PRSS3: variants seen among roughly 807,000 people sequenced by gnomAD.
PRSS3 encodes the protein trypsin-3.
A neutral mutation model predicts 20.8 loss-of-function variants in PRSS3; 14 were observed. That is an observed-to-expected ratio of 0.67 (90% CI 0.44 to 1.05). PRSS3 has a LOEUF of 1.05. PRSS3 is among the 50% of genes least tolerant of loss of function. The probability of loss-of-function intolerance (pLI) is 0.00; values close to 1 mark genes in which losing one functional copy is unlikely to be tolerated. For synonymous variants in PRSS3, 91 were observed against 117.6 expected (o/e 0.77, Z 1.46); for missense variants, 237 against 306.4 (o/e 0.77, Z 1.69).
chr9:33,751,338 T>C (rs987534374), intron 1 of PRSS3, among the ~76,000 whole-genome samples: 3 of 152,116 alleles, frequency 2.0e-5, no homozygotes, highest in Non-Finnish European at 4.4e-5. Context: ...AGTCCCCCGA[T>C]CCAGTGCTTA....
chr9:33,768,780 CG>C (rs915985105), intron 1 of PRSS3, among the ~76,000 whole-genome samples: 1 of 151,308 alleles, frequency 6.6e-6, no homozygotes, highest in African/African-American at 2.4e-5. Context: ...TGCTTGAGCC[CG>C]GGGGGCAGAG....
At chr9:33,774,978 C>G (rs1269560854) in intron 1 of PRSS3, among the ~76,000 whole-genome samples, 1 of 150,630 alleles carries the variant, frequency 6.6e-6, no homozygotes, top group Non-Finnish European at 1.5e-5. Flanking sequence ...AAGAGCGAAA[C>G]TCCATCTCAA....
chr9:33,787,279 C>G (rs1462333375), intron 1 of PRSS3, among the ~76,000 whole-genome samples: 7 of 152,088 alleles, frequency 4.6e-5, no homozygotes, highest in African/African-American at 2.4e-5. Flanking sequence ...TTAATGACAT[C>G]TGGTTGTTCT....
Position 33,750,909 on chromosome 9 carries a change from C to G in PRSS3, c.-53+182C>G, listed in dbSNP as rs1822661985. ...AGGGGCTCAGGGACAGGGATGGAGGCTCCTCTAGGGGAGGACGGGAGGGGA... is the reference window on the plus strand; with the variant it reads ...AGGGGCTCAGGGACAGGGATGGAGGGTCCTCTAGGGGAGGACGGGAGGGGA... On this transcript the variant is annotated intron_variant, in intron 1 of 5. Coordinates refer to the PRSS3 transcript ENST00000342836. This position sits in a 1 kb window ranked among gnomAD's most constrained non-coding sequence, Gnocchi z 4.8. 1 of 1,321,958 alleles carries G rather than the reference C, an allele frequency of 7.6e-7. No individual in the cohort carries two copies. The allele number at this position is 1,321,958 out of a possible 1,614,324, so 81.9% of individuals were successfully genotyped here.
In PRSS3 at chr9:33,797,835, C is replaced by A. The variant is rs779165116; in HGVS notation, c.207C>A (p.Ile69=). Reference sequence around the variant, plus strand: ...TGCCTGCCCTGCCCATCAGCCGCATCCAGGTGAGACTGGGAGAGCACAACA... The same window carrying A: ...TGCCTGCCCTGCCCATCAGCCGCATACAGGTGAGACTGGGAGAGCACAACA... The part of the protein sequence containing the change: ...VSAAHCYKTR[I]QVRLGEHNIK... The change falls in exon 3 of 5, where the codon ATC becomes ATA. Residue 69 remains isoleucine (I), a synonymous_variant. Coordinates refer to ENST00000379405, the MANE Select transcript of PRSS3 (RefSeq NM_002771.4). 3.7e-6 allele frequency: 6 copies of A among 1,614,122 alleles called. No individual in the cohort carries two copies. Among genetic ancestry groups the A allele is most frequent in the Non-Finnish European group, 3.4e-6 (4 of 1,180,056 alleles).
intron 1 of PRSS3, among the ~76,000 whole-genome samples, chr9:33,790,094 A>C (rs1210496615): frequency 6.6e-6 from 1 of 152,194 alleles, no homozygotes; most frequent in African/African-American, 2.4e-5. Context: ...TCCTTCCTCA[A>C]GAATAAGTAT....
chr9:33,794,074 C>T (rs930287058), upstream of PRSS3, among the ~76,000 whole-genome samples: 2 of 137,850 alleles, frequency 1.5e-5, no homozygotes, highest in African/African-American at 2.7e-5. Flanking sequence ...CCTGAAGGTA[C>T]TCTGTGTGTC....
chr9:33,797,249 C>A (rs1030860652), intron 2 of PRSS3, among the ~76,000 whole-genome samples: 3 of 151,232 alleles, frequency 2.0e-5, no homozygotes, highest in Admixed American at 6.6e-5. Flanking sequence ...AACTCTCAAA[C>A]CTGAGTATGC....
At chr9:33,789,195 G>T (rs1439936793) in intron 1 of PRSS3, among the ~76,000 whole-genome samples, 1 of 152,046 alleles carries the variant, frequency 6.6e-6, no homozygotes, top group Non-Finnish European at 1.5e-5. Context: ...CTATTTCCTT[G>T]GGCATTATTT....
intron 1 of PRSS3, among the ~76,000 whole-genome samples, chr9:33,784,267 C>A (rs1419631353): frequency 6.6e-6 from 1 of 151,912 alleles, no homozygotes; most frequent in Admixed American, 6.6e-5. Context: ...GAATAGGGAT[C>A]ATTTGTTAAT....
At chr9:33,787,047 A>T in intron 1 of PRSS3, among the ~76,000 whole-genome samples, 1 of 152,238 alleles carries the variant, frequency 6.6e-6, no homozygotes, top group East Asian at 1.9e-4. Flanking sequence ...GCAGTGTTCT[A>T]TCCACAGTCA....
At position 33,799,167 on chromosome 9, in the gene PRSS3, C is replaced by A; in HGVS notation, c.731C>A (p.Ala244Asp). ...NYVDWIKDTI[A>D]ANS ...GTGGACTGGATTAAGGACACCATCGCTGCCAACAGCTAAAGCCCCCGGTCC... is the reference window on the plus strand; with the variant it reads ...GTGGACTGGATTAAGGACACCATCGATGCCAACAGCTAAAGCCCCCGGTCC... The change falls in exon 5 of 5, where the codon GCT becomes GAT. Residue 244 changes from alanine (A) to aspartate (D), a missense_variant. Coordinates refer to ENST00000379405, the MANE Select transcript of PRSS3 (RefSeq NM_002771.4). The A allele has an allele frequency of 6.2e-7, 1 of 1,614,158 alleles. No homozygotes were observed. The highest frequency in any genetic ancestry group is 8.5e-7 in the Non-Finnish European group (1 of 1,180,018).
chr9:33,783,889 C>CAA (rs555198245), intron 1 of PRSS3, among the ~76,000 whole-genome samples: 7,339 of 91,122 alleles, frequency 0.081, 301 homozygotes, highest in Non-Finnish European at 0.12. Context: ...GACTTAATCT[C>CAA]AAAAAAAAAA....
At chr9:33,766,732 A>T (rs1475383587) in intron 1 of PRSS3, among the ~76,000 whole-genome samples, 1 of 152,180 alleles carries the variant, frequency 6.6e-6, no homozygotes, top group African/African-American at 2.4e-5. Flanking sequence ...ACAGAGACGG[A>T]AAGCGTATTA....
chr9:33,785,214 G>T (rs1287571319), intron 1 of PRSS3, among the ~76,000 whole-genome samples: 1 of 112,772 alleles, frequency 8.9e-6, no homozygotes, highest in African/African-American at 4.0e-5. Context: ...GTCTCGCTCT[G>T]TCGCCCAGGC....
intron 1 of PRSS3, among the ~76,000 whole-genome samples, chr9:33,751,100 G>A (rs1178921790): frequency 1.3e-5 from 2 of 152,204 alleles, no homozygotes; most frequent in Non-Finnish European, 2.9e-5. Flanking sequence ...GTTGCAGGGT[G>A]AGGGGAAGGT....
chr9:33,797,842 A>AGACT lies in PRSS3; in HGVS notation c.216_219dup (p.Gly74ThrfsTer13). 6.2e-7 allele frequency: 1 copy of AGACT among 1,614,240 alleles called. No individual in the cohort carries two copies. The highest frequency in any genetic ancestry group is 8.5e-7 in the Non-Finnish European group (1 of 1,180,046). ...CCTGCCCATCAGCCGCATCCAGGTGAGACTGGGAGAGCACAACATCAAAGT... is the reference window on the plus strand; with the variant it reads ...CCTGCCCATCAGCCGCATCCAGGTGAGACTGACTGGGAGAGCACAACATCAAAGT... On this transcript the variant is annotated frameshift_variant, in exon 3 of 5. Coordinates refer to ENST00000379405, the MANE Select transcript of PRSS3 (RefSeq NM_002771.4). LOFTEE classifies it high-confidence loss of function.
chr9:33,791,668 C>T (rs1156329132), upstream of PRSS3, among the ~76,000 whole-genome samples: 5 of 152,194 alleles, frequency 3.3e-5, no homozygotes, highest in Non-Finnish European at 7.3e-5. Flanking sequence ...GGAGCCTGGA[C>T]TCACTTAAGC....
chr9:33,765,032 A>G (rs1823356130), intron 1 of PRSS3, among the ~76,000 whole-genome samples: 1 of 152,238 alleles, frequency 6.6e-6, no homozygotes, highest in South Asian at 2.1e-4. Context: ...GAACTCTAAT[A>G]CATTGCTGGT....
Sources: gnomAD v4.1 joint callset for allele counts (sites outside exome capture counted in the v4.1 genomes callset) on GRCh38, gnomAD v4.1.1 for gene constraint, Gnocchi (gnomAD v3.1) non-coding constraint, MANE v1.5 for transcripts, NCBI Gene and HGNC (gene_info 2026-07-23, HGNC 2026-07-21) for gene names.